FSTL5: variants seen among roughly 807,000 people sequenced by gnomAD.
FSTL5 encodes follistatin-related protein 5.
A neutral mutation model predicts 89.1 loss-of-function variants in FSTL5; 62 were observed. The ratio of observed to expected loss-of-function variants is 0.70; its 90% CI spans 0.57 to 0.86. The LOEUF (loss-of-function observed/expected upper bound fraction) is 0.86. Among genes scored for constraint, FSTL5 ranks in the 40% least tolerant of loss-of-function variants. The pLI is 0.00. For synonymous variants in FSTL5, 383 were observed against 346.2 expected (o/e 1.11, Z -1.18); for missense variants, 1,057 against 1,001.6 (o/e 1.06, Z -0.75).
intron 4 of FSTL5, among the ~76,000 whole-genome samples, chr4:161,904,574 A>G (rs985347378): frequency 3.9e-5 from 6 of 152,038 alleles, no homozygotes; most frequent in Admixed American, 3.9e-4. Flanking sequence ...TGTATTTTTT[A>G]AGACATATTC....
At chr4:162,155,358 A>T (rs1309914949) in intron 1 of FSTL5, among the ~76,000 whole-genome samples, 1 of 152,146 alleles carries the variant, frequency 6.6e-6, no homozygotes, top group African/African-American at 2.4e-5. Context: ...AAACAAATCC[A>T]GCCAACTGTT....
chr4:162,125,328 T>C (rs1163584587), intron 1 of FSTL5, among the ~76,000 whole-genome samples: 1 of 150,326 alleles, frequency 6.7e-6, no homozygotes, highest in Non-Finnish European at 1.5e-5. Context: ...AAAAATGTTA[T>C]TGTATATTTG....
intron 4 of FSTL5, among the ~76,000 whole-genome samples, chr4:161,864,201 T>C (rs919893587): frequency 6.6e-6 from 1 of 152,186 alleles, no homozygotes; most frequent in African/African-American, 2.4e-5. Flanking sequence ...AATGATGTTA[T>C]GAAGGAAGTA....
At chr4:161,637,314 GT>G (rs1735756396) in intron 7 of FSTL5, among the ~76,000 whole-genome samples, 1 of 60,150 alleles carries the variant, frequency 1.7e-5, no homozygotes, top group Admixed American at 2.0e-4. Context: ...GGGGTTGTTT[GT>G]TTTTTTCTTG....
At chr4:161,464,107 A>G (rs890224684) in intron 13 of FSTL5, among the ~76,000 whole-genome samples, 1 of 152,164 alleles carries the variant, frequency 6.6e-6, no homozygotes, top group Admixed American at 6.5e-5. Context: ...CGGCTAGGAT[A>G]CTCTTGAAAT....
At chr4:162,064,438 T>A (rs1738822238) in intron 2 of FSTL5, among the ~76,000 whole-genome samples, 1 of 152,020 alleles carries the variant, frequency 6.6e-6, no homozygotes, top group East Asian at 1.9e-4. Flanking sequence ...AGCAGATAGT[T>A]CTCTCTAACA....
chr4:161,416,616 G>A (rs897797810), intron 15 of FSTL5, among the ~76,000 whole-genome samples: 3 of 152,068 alleles, frequency 2.0e-5, no homozygotes, highest in Non-Finnish European at 4.4e-5. Flanking sequence ...AGGCCCAGGT[G>A]GGGGGATCAC....
intron 2 of FSTL5, among the ~76,000 whole-genome samples, chr4:162,074,298 T>G (rs1027308205): frequency 9.2e-5 from 14 of 151,844 alleles, no homozygotes; most frequent in African/African-American, 2.9e-4. Flanking sequence ...ATATTTATTA[T>G]TGTTTAAATT....
chr4:161,720,204 CAAAAA>C (rs34684242), intron 6 of FSTL5, among the ~76,000 whole-genome samples: 4 of 142,046 alleles, frequency 2.8e-5, no homozygotes, highest in Non-Finnish European at 6.1e-5. Flanking sequence ...AACACAATAG[CAAAAA>C]AAAAAAAAAA....
chr4:162,119,098 T>C (rs1164822300), intron 1 of FSTL5, among the ~76,000 whole-genome samples: 1 of 152,070 alleles, frequency 6.6e-6, no homozygotes, highest in Non-Finnish European at 1.5e-5. Flanking sequence ...GGTGTGCACC[T>C]ATAGTCGTAG....
intron 1 of FSTL5, among the ~76,000 whole-genome samples, chr4:162,147,137 A>T (rs2111501495): frequency 6.6e-6 from 1 of 152,154 alleles, no homozygotes; most frequent in East Asian, 1.9e-4. Context: ...AAATTTAGTT[A>T]TCCTGTTTCT....
Position 161,754,488 on chromosome 4 carries a change from C to T in FSTL5, c.727+4923G>A, listed in dbSNP as rs151187095. Among the ~76,000 whole-genome samples the T allele has an allele frequency of 6.7e-3, 1,027 of 152,202 alleles. 7 individuals carry two copies. The highest frequency in any genetic ancestry group is 0.023 in the African/African-American group (944 of 41,544). On this transcript the variant is annotated intron_variant, in intron 6 of 15. Coordinates refer to ENST00000306100, the MANE Select transcript of FSTL5 (RefSeq NM_020116.5). Reference sequence around the variant, plus strand: ...AACGTCTCATACAGTTTTAAAAGTTCATAATCCTCATAAAATTTCACACAA... The same window carrying T: ...AACGTCTCATACAGTTTTAAAAGTTTATAATCCTCATAAAATTTCACACAA...
intron 3 of FSTL5, among the ~76,000 whole-genome samples, chr4:161,996,906 C>G (rs1218650090): frequency 3.9e-5 from 6 of 152,144 alleles, no homozygotes; most frequent in Admixed American, 2.6e-4. Flanking sequence ...GATGTTATGA[C>G]AGGGAAATCT....
chr4:161,481,027 A>G lies in FSTL5; in HGVS notation c.1601T>C (p.Val534Ala). 6.2e-7 allele frequency: 1 copy of G among 1,608,844 alleles called. No individual in the cohort carries two copies. Among genetic ancestry groups the G allele is most frequent in the Non-Finnish European group, 8.5e-7 (1 of 1,177,518 alleles). ...AGTAGTAATTATTCATACCTGAACA[A>G]CTTTTTGGGACTGCACATCAACAAT... is the stretch of plus-strand genomic sequence containing the variant. ...VLIVDVQSQK[V>A]VQAVSTDPVP... The change falls in exon 13 of 16, where the codon GTT (valine) becomes GCT (alanine). Residue 534 changes from valine (V) to alanine (A), a missense_variant. Val to Ala is a moderately conservative substitution (Grantham distance 64, BLOSUM62 0). Around this residue, in one of 3 missense-constraint regions of FSTL5, gnomAD observed 980 missense variants for 903.2 expected, o/e 1.08. Transcript: ENST00000306100.
chr4:161,794,187 G>A (rs1382559644), intron 4 of FSTL5, among the ~76,000 whole-genome samples: 1 of 152,138 alleles, frequency 6.6e-6, no homozygotes, highest in East Asian at 1.9e-4. Flanking sequence ...TCCCAGCAAT[G>A]CTGATTTAAT....
rs1187487030 is a variant in FSTL5, at chr4:161,447,530, C to T, written c.1841+7474G>A. Among the ~76,000 whole-genome samples the T allele has an allele frequency of 3.9e-5, 6 of 152,072 alleles. No homozygotes were observed. The East Asian group carries it at 1.2e-3, about 29-fold the overall frequency. The stretch of plus-strand genomic sequence containing the variant: ...AACAAAGACCAAGAAGGGAAGCAGA[C>T]AGGGTTCTCTAACTCAAGAAATAAT... On this transcript the variant is annotated intron_variant, in intron 15 of 15. Coordinates refer to ENST00000306100, the MANE Select transcript of FSTL5 (RefSeq NM_020116.5).
Position 161,428,364 on chromosome 4 carries a change from G to A in FSTL5, c.1841+26640C>T, listed in dbSNP as rs150656081. Among the ~76,000 whole-genome samples the A allele has an allele frequency of 2.3e-3, 352 of 152,318 alleles. 4 individuals are homozygous for A. In the Middle Eastern group the frequency reaches 0.024, roughly 10 times the overall value. ...CAGAGCCAGCAGAATAGGGTGGCAC[G>A]TGACCTAGTGAGACACTGGCCTAGG... On this transcript the variant is annotated intron_variant, in intron 15 of 15. Coordinates refer to ENST00000306100, the MANE Select transcript of FSTL5 (RefSeq NM_020116.5).
At chr4:161,911,793 C>G (rs1733700981) in intron 4 of FSTL5, among the ~76,000 whole-genome samples, 1 of 152,074 alleles carries the variant, frequency 6.6e-6, no homozygotes, top group Non-Finnish European at 1.5e-5. Context: ...CTTTGCTTAA[C>G]CTATGTGAAA....
intron 6 of FSTL5, among the ~76,000 whole-genome samples, chr4:161,662,980 A>C (rs1736768280): frequency 6.6e-6 from 1 of 152,116 alleles, no homozygotes; most frequent in South Asian, 2.1e-4. Context: ...AAAAATAAGG[A>C]AGAAGCAAAG....
Sources: gnomAD v4.1 joint callset for allele counts (sites outside exome capture counted in the v4.1 genomes callset) on GRCh38, gnomAD v4.1.1 for gene constraint, gnomAD v4.1.1 regional missense constraint, MANE v1.5 for transcripts, NCBI Gene and HGNC (gene_info 2026-07-23, HGNC 2026-07-21) for gene names.